Variants in HARBI1 observed in about 807,000 individuals in gnomAD.
The protein encoded by HARBI1 is putative nuclease HARBI1.
HARBI1 carries 15 observed loss-of-function variants against 25.3 expected under a neutral mutation model. That is an observed-to-expected ratio of 0.59 (90% confidence interval 0.40 to 0.91). The LOEUF (loss-of-function observed/expected upper bound fraction) is 0.91. Among genes scored for constraint, HARBI1 ranks in the 40% least tolerant of loss-of-function variants. The probability of loss-of-function intolerance (pLI) is 0.00; values close to 1 mark genes in which losing one functional copy is unlikely to be tolerated. For synonymous variants in HARBI1, 168 were observed against 160.5 expected (o/e 1.05, Z -0.35); for missense variants, 396 against 445.8 (o/e 0.89, Z 1.01).
At chr11:46,617,749 C>T, upstream of HARBI1, 1 of 398,780 alleles carries the variant, frequency 2.5e-6, no homozygotes, top group Non-Finnish European at 4.4e-6. Flanking sequence ...CCTTCTGAAG[C>T]CTTAGGTGTC....
intron 2 of HARBI1, among the ~76,000 whole-genome samples, chr11:46,615,323 G>T (rs528382157): frequency 6.6e-6 from 1 of 151,802 alleles, no homozygotes; most frequent in South Asian, 2.1e-4. Flanking sequence ...CTGGGTTCAA[G>T]CGATTGTCCT....
chr11:46,608,915 A>G (rs1474321125), intron 2 of HARBI1, among the ~76,000 whole-genome samples: 1 of 144,798 alleles, frequency 6.9e-6, no homozygotes, highest in Non-Finnish European at 1.5e-5. Context: ...GCACCTGACA[A>G]ATTTTTTTTT....
chr11:46,616,860 A>AAAC (rs2045553077), intron 1 of HARBI1: 11 of 945,432 alleles, frequency 1.2e-5, no homozygotes, highest in South Asian at 5.0e-5. Flanking sequence ...AAAAAAAAAA[A>AAAC]AACAACCAAA....
Position 46,616,206 on chromosome 11 carries a change from T to A in HARBI1, c.32A>T (p.Asp11Val). 6.2e-7 allele frequency: 1 copy of A among 1,611,592 alleles called. No homozygotes were observed. Among genetic ancestry groups the A allele is most frequent in the Non-Finnish European group, 8.5e-7 (1 of 1,180,006 alleles). Residue 11 changes from aspartate (D) to valine (V), a missense_variant, in exon 2 of 3, where the codon GAC becomes GTC. Coordinates refer to ENST00000326737, the MANE Select transcript of HARBI1 (RefSeq NM_173811.4). ...GTGACCACGGCCATATAGCAAGAGG[T>A]CACAGTCAAGCACTGTTATTGGTAT... MAIPITVLDC[D>V]LLLYGRGHRT...
In HARBI1 at chr11:46,615,594, C is replaced by T; in HGVS notation, c.644G>A (p.Gly215Asp). Residue 215 changes from glycine to aspartate, a missense_variant, in exon 2 of 3, where the codon GGT (glycine) becomes GAT (aspartate). Coordinates refer to ENST00000326737, the MANE Select transcript of HARBI1 (RefSeq NM_173811.4). ...QSSLSSQFEA[G>D]MHKDSWLLGD... ...CAGAAGCCAGCTATCTTTGTGCATA[C>T]CCGCTTCAAACTGACTACTGAGGGA... 1.2e-6 allele frequency: 2 copies of T among 1,614,088 alleles called. No homozygotes were observed. Among genetic ancestry groups the T allele is most frequent in the Non-Finnish European group, 1.7e-6 (2 of 1,179,970 alleles).
At chr11:46,615,487 G>A (rs1025152792) in intron 2 of HARBI1, 81 bp downstream of exon 2, 5 of 1,162,328 alleles carry the variant, frequency 4.3e-6, no homozygotes, top group Non-Finnish European at 5.1e-6. Flanking sequence ...AAAGTGCTGG[G>A]GTTGTGTGAG....
intron 2 of HARBI1, among the ~76,000 whole-genome samples, chr11:46,609,848 G>A (rs970308540): frequency 2.9e-5 from 4 of 139,662 alleles, no homozygotes; most frequent in Non-Finnish European, 4.6e-5. Context: ...ATAAATAAAA[G>A]AATTTTTTTT....
At chr11:46,608,038 C>T (rs975295300) in intron 2 of HARBI1, among the ~76,000 whole-genome samples, 1 of 151,976 alleles carries the variant, frequency 6.6e-6, no homozygotes, top group Non-Finnish European at 1.5e-5. Context: ...GGGCTTCATG[C>T]CTGTAATCCC....
chr11:46,617,209 G>A lies in HARBI1; in HGVS notation c.-230C>T, dbSNP rs565018957. On this transcript the variant is annotated 5_prime_UTR_variant, in exon 1 of 3. Coordinates refer to ENST00000326737, the MANE Select transcript of HARBI1 (RefSeq NM_173811.4). ...CCTCCGGAACCGGCGACTGCACAGA[G>A]GCCGCCACGGCGCGCAACAGCGGCA... The A allele has an allele frequency of 3.7e-5, 6 of 163,610 alleles. No homozygotes were observed. The highest frequency in any genetic ancestry group is 1.9e-4 in the East Asian group (1 of 5,224). The allele number at this position is 163,610 out of a possible 1,614,324, so 10.1% of individuals were successfully genotyped here.
chr11:46,607,455 A>G (rs1285498175), intron 2 of HARBI1, among the ~76,000 whole-genome samples: 1 of 152,200 alleles, frequency 6.6e-6, no homozygotes, highest in African/African-American at 2.4e-5. Context: ...TAATAAAACA[A>G]GAATATAATG....
intron 2 of HARBI1, among the ~76,000 whole-genome samples, chr11:46,608,299 AAACAACAAC>A (rs527494685): frequency 5.3e-5 from 8 of 151,856 alleles, no homozygotes; most frequent in African/African-American, 1.7e-4. Flanking sequence ...ACTCCATCTC[AAACAACAAC>A]AACAACAACA....
intron 2 of HARBI1, among the ~76,000 whole-genome samples, chr11:46,612,086 G>GT (rs1237377472): frequency 6.6e-6 from 1 of 152,160 alleles, no homozygotes; most frequent in Non-Finnish European, 1.5e-5. Context: ...TAGTAAACAT[G>GT]TTAAAGAGAA....
At position 46,616,034 on chromosome 11, in the gene HARBI1, G is replaced by A; in HGVS notation, c.204C>T (p.Ser68=). 1 of 1,614,208 alleles carries A rather than the reference G, an allele frequency of 6.2e-7. No individual in the cohort carries two copies. Among genetic ancestry groups the A allele is most frequent in the Non-Finnish European group, 8.5e-7 (1 of 1,180,034 alleles). Residue 68 remains serine, a synonymous_variant, in exon 2 of 3, where the codon AGC becomes AGT. Transcript: ENST00000326737. ...SRPTQRSRAI[S]PETQVLAALG... Reference sequence around the variant, plus strand: ...ATGCTGCAAGGACCTGTGTCTCTGGGCTAATAGCCCTGGATCGCTGAGTAG... The same window carrying A: ...ATGCTGCAAGGACCTGTGTCTCTGGACTAATAGCCCTGGATCGCTGAGTAG...
At chr11:46,605,789 A>G (rs566054577) in intron 2 of HARBI1, among the ~76,000 whole-genome samples, 91 of 149,880 alleles carry the variant, frequency 6.1e-4, no homozygotes, top group African/African-American at 2.0e-3. Context: ...GGGTTTCACC[A>G]TGTTGGCCAG....
intron 2 of HARBI1, among the ~76,000 whole-genome samples, chr11:46,610,435 C>G (rs1011105794): frequency 3.3e-5 from 5 of 151,588 alleles, no homozygotes; most frequent in East Asian, 3.9e-4. Flanking sequence ...CCAAGGCGGG[C>G]GGATCAAGAG....
intron 2 of HARBI1, chr11:46,604,588 C>T (rs1310428562): frequency 6.1e-6 from 6 of 985,158 alleles, no homozygotes; most frequent in South Asian, 4.7e-5. Flanking sequence ...GAAGTCTTAA[C>T]TTTACCCTCA....
In HARBI1 at chr11:46,603,439, G is replaced by A. The variant is rs1354673126; in HGVS notation, c.*91C>T. ...TTTATGACAAGTATCTGTATACTCA[G>A]TCATGCTAGATGATGGAACTGTGTA... On this transcript the variant is annotated 3_prime_UTR_variant, in exon 3 of 3. Coordinates refer to ENST00000326737, the MANE Select transcript of HARBI1 (RefSeq NM_173811.4). 6 of 1,135,638 alleles carry A rather than the reference G, an allele frequency of 5.3e-6. No individual in the cohort carries two copies. Among genetic ancestry groups the A allele is most frequent in the African/African-American group, 3.1e-5 (2 of 64,130 alleles). 70.3% of individuals were successfully genotyped at this position (1,135,638 alleles called of 1,614,324 possible). A position where few individuals can be genotyped will look rare whatever the true frequency, so the allele number is the denominator to read the frequency against.
At chr11:46,616,407 T>C (rs1173973937) in intron 1 of HARBI1, 26 bp from the exon 2 acceptor site, 21 of 1,423,960 alleles carry the variant, frequency 1.5e-5, no homozygotes, top group Non-Finnish European at 1.6e-5. Flanking sequence ...GAAAAAACAT[T>C]AGGAACCTAC....
chr11:46,615,664 T>G lies in HARBI1; in HGVS notation c.574A>C (p.Asn192His), dbSNP rs1318302531. 1.9e-6 allele frequency: 3 copies of G among 1,614,190 alleles called. No homozygotes were observed. Among genetic ancestry groups the G allele is most frequent in the Non-Finnish European group, 2.5e-6 (3 of 1,180,036 alleles). Residue 192 changes from asparagine (N) to histidine (H), a missense_variant, in exon 2 of 3, where the codon AAC becomes CAC. Coordinates refer to ENST00000326737, the MANE Select transcript of HARBI1 (RefSeq NM_173811.4). Reference sequence around the variant, plus strand: ...CAGTCCTGTAGGCTGCCGGGCCAGTTTGTCTCCACGGTCATTAGTGTCCCT... The same window carrying G: ...CAGTCCTGTAGGCTGCCGGGCCAGTGTGTCTCCACGGTCATTAGTGTCCCT... The part of the protein sequence containing the change: ...IRGTLMTVET[N>H]WPGSLQDCAV...
Sources: allele counts gnomAD v4.1 joint callset (sites outside exome capture counted in the v4.1 genomes callset), GRCh38; gene constraint gnomAD v4.1.1; transcripts MANE v1.5; gene names NCBI Gene and HGNC (gene_info 2026-07-23, HGNC 2026-07-21).